The following C1QTNF7 variants were observed in gnomAD, a reference collection of about 807,000 sequenced individuals.
C1QTNF7 encodes the protein complement C1q tumor necrosis factor-related protein 7.
A neutral mutation model predicts 19.6 loss-of-function variants in C1QTNF7; 15 were observed. The ratio of observed to expected loss-of-function variants is 0.76; its 90% confidence interval spans 0.51 to 1.18. The LOEUF (loss-of-function observed/expected upper bound fraction) is 1.18. C1QTNF7 is among the 50% of genes most tolerant of loss of function. The pLI is 0.00. For synonymous variants in C1QTNF7, 142 were observed against 137.5 expected (o/e 1.03, Z -0.23); for missense variants, 324 against 359.7 (o/e 0.90, Z 0.80).
At chr4:15,409,086 A>G (rs1479273314) in intron 1 of C1QTNF7, among the ~76,000 whole-genome samples, 1 of 152,182 alleles carries the variant, frequency 6.6e-6, no homozygotes, top group East Asian at 1.9e-4. Flanking sequence ...TCAATTTTCA[A>G]TTCCACTTCT....
chr4:15,391,543 C>A (rs531946336), intron 1 of C1QTNF7, among the ~76,000 whole-genome samples: 3 of 152,258 alleles, frequency 2.0e-5, no homozygotes, highest in African/African-American at 7.2e-5. Flanking sequence ...CATCACCCCT[C>A]AAGCCCCAGT....
chr4:15,381,995 G>C (rs1426992247), intron 1 of C1QTNF7: 1 of 152,182 alleles, frequency 6.6e-6, no homozygotes, highest in East Asian at 1.9e-4. Context: ...ATGTTTCAAA[G>C]TGCCATCTGT....
At chr4:15,419,056 G>A (rs1577271117) in intron 1 of C1QTNF7, among the ~76,000 whole-genome samples, 2 of 152,278 alleles carry the variant, frequency 1.3e-5, no homozygotes, top group South Asian at 2.1e-4. Flanking sequence ...CTGTGGCTCC[G>A]TCTGTGTTCC....
intron 2 of C1QTNF7, among the ~76,000 whole-genome samples, chr4:15,441,066 T>C (rs1712739906): frequency 6.6e-6 from 1 of 151,926 alleles, no homozygotes; most frequent in African/African-American, 2.4e-5. Flanking sequence ...AGCTTGAACC[T>C]GGGAGGTGGA....
At position 15,443,167 on chromosome 4, in the gene C1QTNF7, A is replaced by C. The variant is rs1459790457; in HGVS notation, c.*368A>C. 1 of 160,800 alleles carries C rather than the reference A, an allele frequency of 6.2e-6. No individual in the cohort carries two copies. The highest frequency in any genetic ancestry group is 1.8e-4 in the East Asian group (1 of 5,486). 10.0% of individuals were successfully genotyped at this position (160,800 alleles called of 1,614,324 possible). The stretch of plus-strand genomic sequence containing the variant: ...TAGTCTGTTATTTAAGAAAAACATA[A>C]CATCCCAAAATCTTTGACAATTCTC... On this transcript the variant is annotated 3_prime_UTR_variant, in exon 3 of 3. Transcript: ENST00000444304.
At chr4:15,343,345 G>A (rs1466765538) in intron 1 of C1QTNF7, among the ~76,000 whole-genome samples, 2 of 152,138 alleles carry the variant, frequency 1.3e-5, no homozygotes, top group East Asian at 3.9e-4. Flanking sequence ...TAATTGAAAT[G>A]TACTAATCTC....
chr4:15,395,291 G>C (rs1257698817), intron 1 of C1QTNF7, among the ~76,000 whole-genome samples: 8 of 152,146 alleles, frequency 5.3e-5, no homozygotes, highest in African/African-American at 1.9e-4. Context: ...TTGGCTCCAT[G>C]TGTAAGAATT....
intron 1 of C1QTNF7, among the ~76,000 whole-genome samples, chr4:15,412,375 T>G (rs918541029): frequency 1.3e-5 from 2 of 151,244 alleles, no homozygotes; most frequent in South Asian, 4.2e-4. Context: ...CAGTCCCTGG[T>G]GCCAAAACGT....
chr4:15,415,098 C>A lies in C1QTNF7; in HGVS notation c.14-20638C>A, dbSNP rs565396834. 1.1e-4 allele frequency among the ~76,000 whole-genome samples: 17 copies of A among 152,328 alleles called. No homozygotes were observed. In the South Asian group the frequency reaches 3.5e-3, roughly 32 times the overall value. The stretch of plus-strand genomic sequence containing the variant: ...GCTCAACTGAACAAATACATCTTTT[C>A]ACAAAACAAGTCCAAAATCTTGGCC... On this transcript the variant is annotated intron_variant, in intron 1 of 2. Transcript: ENST00000295297.
At chr4:15,429,961 C>T (rs1249774910) in intron 1 of C1QTNF7, among the ~76,000 whole-genome samples, 1 of 152,052 alleles carries the variant, frequency 6.6e-6, no homozygotes, top group Admixed American at 6.6e-5. Context: ...AAATAATATG[C>T]TATTTACAAA....
intron 1 of C1QTNF7, among the ~76,000 whole-genome samples, chr4:15,377,016 C>T (rs1717961901): frequency 6.6e-6 from 1 of 152,192 alleles, no homozygotes; most frequent in African/African-American, 2.4e-5. Flanking sequence ...AATAACAATG[C>T]TAATGGTCAC....
chr4:15,438,907 A>G (rs1441399622), intron 2 of C1QTNF7, among the ~76,000 whole-genome samples: 1 of 152,232 alleles, frequency 6.6e-6, no homozygotes, highest in African/African-American at 2.4e-5. Context: ...ACATGGACGC[A>G]TGTATGTATG....
At chr4:15,418,511 C>T (rs918321049) in intron 1 of C1QTNF7, among the ~76,000 whole-genome samples, 2 of 152,150 alleles carry the variant, frequency 1.3e-5, no homozygotes, top group African/African-American at 2.4e-5. Flanking sequence ...CCCTGTGAGG[C>T]TTTTATCCCA....
At chr4:15,428,005 T>C (rs1712129624), upstream of C1QTNF7, 1 of 983,796 alleles carries the variant, frequency 1.0e-6, no homozygotes. Flanking sequence ...GGATCTGTTA[T>C]TCTGTCTGGT....
At chr4:15,364,300 A>G (rs1453281329) in intron 1 of C1QTNF7, among the ~76,000 whole-genome samples, 2 of 152,216 alleles carry the variant, frequency 1.3e-5, no homozygotes, top group Non-Finnish European at 2.9e-5. Flanking sequence ...GAGGAGCTCA[A>G]TGATGTCTGT....
chr4:15,364,397 T>C (rs1314150596), intron 1 of C1QTNF7, among the ~76,000 whole-genome samples: 1 of 152,166 alleles, frequency 6.6e-6, no homozygotes, highest in Non-Finnish European at 1.5e-5. Flanking sequence ...AAAAAATAAA[T>C]GTTTGTTGTT....
At chr4:15,347,020 A>T (rs948368837) in intron 1 of C1QTNF7, among the ~76,000 whole-genome samples, 1 of 152,208 alleles carries the variant, frequency 6.6e-6, no homozygotes, top group Non-Finnish European at 1.5e-5. Context: ...ACTTTCAACC[A>T]CTTTATTACC....
chr4:15,402,636 G>A (rs1719041568), intron 1 of C1QTNF7, among the ~76,000 whole-genome samples: 1 of 152,116 alleles, frequency 6.6e-6, no homozygotes, highest in South Asian at 2.1e-4. Flanking sequence ...CATGGCAGAA[G>A]ATAAATAAAT....
chr4:15,442,273 T>C lies in C1QTNF7; in HGVS notation c.344T>C (p.Val115Ala). 6.2e-7 allele frequency: 1 copy of C among 1,613,876 alleles called. No homozygotes were observed. The highest frequency in any genetic ancestry group is 8.5e-7 in the Non-Finnish European group (1 of 1,179,984). The part of the protein sequence containing the change: ...PIGPEGEKGE[V>A]GPIGPPGPKG... ...GGACCAGAGGGAGAGAAAGGAGAAG[T>C]AGGTCCAATTGGTCCTCCTGGACCA... Residue 115 changes from valine (V) to alanine (A), a missense_variant, in exon 3 of 3, where the codon GTA (valine) becomes GCA (alanine). Val to Ala is a moderately conservative substitution (Grantham distance 64). Transcript: ENST00000444304.
Sources: allele counts gnomAD v4.1 joint callset (sites outside exome capture counted in the v4.1 genomes callset), GRCh38; gene constraint gnomAD v4.1.1; transcripts MANE v1.5; gene names NCBI Gene and HGNC (gene_info 2026-07-23, HGNC 2026-07-21).